SIGLEC10: variants seen among roughly 807,000 people sequenced by gnomAD.
SIGLEC10 encodes sialic acid binding Ig like lectin 10.
Under a neutral mutation model 68.3 loss-of-function variants are expected in SIGLEC10, and 45 were observed. That is an observed-to-expected ratio of 0.66 (90% CI 0.52 to 0.84). The LOEUF is 0.84. Ranked by LOEUF, SIGLEC10 falls within the 40% of genes least tolerant of loss-of-function variation. The pLI is 0.00. For synonymous variants in SIGLEC10, 379 were observed against 370.8 expected (o/e 1.02, Z -0.26); for missense variants, 789 against 883.1 (o/e 0.89, Z 1.35).
chr19:51,416,560 C>T, intron 3 of SIGLEC10, 106 bp downstream of exon 3: 1 of 1,578,238 alleles, frequency 6.3e-7, no homozygotes, highest in Non-Finnish European at 8.6e-7. Flanking sequence ...AGCTTCCTCT[C>T]CCTGGATGCT....
chr19:51,411,949 C>G (rs1988049214), intron 10 of SIGLEC10, among the ~76,000 whole-genome samples: 1 of 151,976 alleles, frequency 6.6e-6, no homozygotes, highest in African/African-American at 2.4e-5. Context: ...TTGAGACCAG[C>G]CTGATCAACA....
rs1406702083 is a variant in SIGLEC10, at chr19:51,415,104, G to A, written c.1335C>T (p.Ser445=). The change falls in exon 8 of 11, where the codon TCC becomes TCT. Residue 445 remains serine, a synonymous_variant. Coordinates refer to ENST00000339313, the MANE Select transcript of SIGLEC10 (RefSeq NM_033130.5). ...HVSLSLSVHY[S]PKLLGPSCSW... ...AGCAGGAGGGGCCCAGCAGCTTCGGGGAGTCTGAGGGGAGGGAGGACAGGA... is the reference window on the plus strand; with the variant it reads ...AGCAGGAGGGGCCCAGCAGCTTCGGAGAGTCTGAGGGGAGGGAGGACAGGA... 1.3e-6 allele frequency: 2 copies of A among 1,573,348 alleles called. No individual in the cohort carries two copies. Among genetic ancestry groups the A allele is most frequent in the Non-Finnish European group, 8.6e-7 (1 of 1,161,438 alleles).
At chr19:51,412,628 C>G (rs1043911917) in intron 10 of SIGLEC10, among the ~76,000 whole-genome samples, 1 of 151,988 alleles carries the variant, frequency 6.6e-6, no homozygotes, top group East Asian at 1.9e-4. Flanking sequence ...GCACCCATCA[C>G]CATGCCCAGG....
At chr19:51,412,290 G>A (rs922024787) in intron 10 of SIGLEC10, among the ~76,000 whole-genome samples, 4 of 152,088 alleles carry the variant, frequency 2.6e-5, no homozygotes, top group African/African-American at 7.2e-5. Flanking sequence ...TTGATGCATG[G>A]CTTGTAGTAG....
In SIGLEC10 at chr19:51,414,788, C is replaced by G. The variant is rs765286397; in HGVS notation, c.1615+36G>C. The G allele has an allele frequency of 6.2e-7, 1 of 1,608,692 alleles. No individual in the cohort carries two copies. The highest frequency in any genetic ancestry group is 8.5e-7 in the Non-Finnish European group (1 of 1,178,708). On this transcript the variant is annotated intron_variant, in intron 8 of 10. Coordinates refer to ENST00000339313, the MANE Select transcript of SIGLEC10 (RefSeq NM_033130.5). The surrounding 1 kb of genome is among the most constrained non-coding windows in gnomAD (Gnocchi z 4.1). ...CTACTCTTTGCCCCAGTCAGCTTCT[C>G]CTCCAAGAACCTTGGCATCCAGGCG...
Position 51,413,801 on chromosome 19 carries a change from G to A in SIGLEC10, c.1732C>T (p.Arg578Trp), listed in dbSNP as rs774112959. The A allele has an allele frequency of 6.8e-6, 11 of 1,613,926 alleles. No homozygotes were observed. The highest frequency in any genetic ancestry group is 3.3e-5 in the Admixed American group (2 of 59,988). ...GGCCTCGGGGTTTCTGTCTGAGTCC[G>A]TCTCTTCGGTAGAATCTTCATGCTG... The part of the protein sequence containing the change: ...LIIMKILPKR[R>W]TQTETPRPRF... The change falls in exon 10 of 11, where the codon CGG becomes TGG. Residue 578 changes from arginine to tryptophan, a missense_variant. Arg to Trp is a moderately radical substitution (Grantham distance 101). Coordinates refer to ENST00000339313, the MANE Select transcript of SIGLEC10 (RefSeq NM_033130.5).
In SIGLEC10 at chr19:51,415,027, G is replaced by C; in HGVS notation, c.1412C>G (p.Ala471Gly). 6.2e-7 allele frequency: 1 copy of C among 1,608,480 alleles called. No homozygotes were observed. Among genetic ancestry groups the C allele is most frequent in the Non-Finnish European group, 8.5e-7 (1 of 1,178,270 alleles). ...CCCAAGCCACCAGCGCAGAGAGGGG[G>C]CCGGGCTGGCCTGGGAGGAGCAGCT... Reference protein sequence around the residue: ...HCSCSSQASPAPSLRWWLGEE... With the variant: ...HCSCSSQASPGPSLRWWLGEE... Residue 471 changes from alanine (A) to glycine (G), a missense_variant, in exon 8 of 11, where the codon GCC becomes GGC. Ala to Gly is a moderately conservative substitution (Grantham distance 60). Coordinates refer to ENST00000339313, the MANE Select transcript of SIGLEC10 (RefSeq NM_033130.5).
rs1441588436 is a variant in SIGLEC10, at chr19:51,415,321, T to C, written c.1190A>G (p.Gln397Arg). 2 of 1,613,696 alleles carry C rather than the reference T, an allele frequency of 1.2e-6. No individual in the cohort carries two copies. The highest frequency in any genetic ancestry group is 1.7e-6 in the Non-Finnish European group (2 of 1,179,854). The change falls in exon 7 of 11, where the codon CAG becomes CGG. Residue 397 changes from glutamine to arginine, a missense_variant. Gln to Arg is a conservative substitution (Grantham distance 43). Transcript: ENST00000339313. ...TGAGGGCTGGGAGGGGCTCAGAACC[T>C]GTCCCCTCTGGGTCCAGCTCAGCCT... is the stretch of plus-strand genomic sequence containing the variant. ...PARLSWTQRGQVLSPSQPSDP... is the reference protein window; with the variant it reads ...PARLSWTQRGRVLSPSQPSDP...
chr19:51,415,140 TC>T (rs1475053151), intron 7 of SIGLEC10, 32 bp from the exon 8 acceptor site: 1 of 1,576,946 alleles, frequency 6.3e-7, no homozygotes, highest in African/African-American at 1.4e-5. Flanking sequence ...CTCAGCAGGG[TC>T]CCCTTCCTGG....
At position 51,416,352 on chromosome 19, in the gene SIGLEC10, G is replaced by A; in HGVS notation, c.712C>T (p.Pro238Ser). ...RTVRLRVAYA[P>S]RDLVISISRD... ...GAAATGCTGATAACAAGGTCTCTGGGGGCATCTGCAACAAGATTGTGAGCT... is the reference window on the plus strand; with the variant it reads ...GAAATGCTGATAACAAGGTCTCTGGAGGCATCTGCAACAAGATTGTGAGCT... Residue 238 changes from proline (P) to serine (S), a missense_variant, in exon 4 of 11, where the codon CCC (proline) becomes TCC (serine). Pro to Ser is a moderately conservative substitution (Grantham distance 74). Coordinates refer to ENST00000339313, the MANE Select transcript of SIGLEC10 (RefSeq NM_033130.5). 1 of 1,614,136 alleles carries A rather than the reference G, an allele frequency of 6.2e-7. No homozygotes were observed. The highest frequency in any genetic ancestry group is 1.1e-5 in the South Asian group (1 of 91,080).
chr19:51,415,119 G>A lies in SIGLEC10; in HGVS notation c.1331-11C>T. ...GCAGCTTCGGGGAGTCTGAGGGGAGGGAGGACAGGACTCAGCAGGGTCCCC... is the reference window on the plus strand; with the variant it reads ...GCAGCTTCGGGGAGTCTGAGGGGAGAGAGGACAGGACTCAGCAGGGTCCCC... On this transcript the variant is annotated splice_polypyrimidine_tract_variant and intron_variant, in intron 7 of 10. Coordinates refer to ENST00000339313, the MANE Select transcript of SIGLEC10 (RefSeq NM_033130.5). The A allele has an allele frequency of 6.4e-7, 1 of 1,571,254 alleles. No individual in the cohort carries two copies. The highest frequency in any genetic ancestry group is 1.2e-5 in the South Asian group (1 of 84,206).
At chr19:51,411,769 C>T (rs985429590) in intron 10 of SIGLEC10, among the ~76,000 whole-genome samples, 4 of 152,130 alleles carry the variant, frequency 2.6e-5, no homozygotes, top group African/African-American at 9.7e-5. Context: ...TCACTTGAAC[C>T]TGAGAGGTGG....
chr19:51,412,090 C>T (rs941007410), intron 10 of SIGLEC10, among the ~76,000 whole-genome samples: 3 of 150,078 alleles, frequency 2.0e-5, no homozygotes, highest in Non-Finnish European at 3.0e-5. Flanking sequence ...TGCAGTGAGC[C>T]GAGACCTTGC....
In SIGLEC10 at chr19:51,414,199, A is replaced by C. The variant is rs1988286196; in HGVS notation, c.1709+223T>G. ...GCTTCAGCTGTGCCTAATTACAAGA[A>C]ACACTTCGCTTGGGGCGTGACTGCC... On this transcript the variant is annotated intron_variant, in intron 9 of 10. Transcript: ENST00000339313. The surrounding 1 kb of genome is among the most constrained non-coding windows in gnomAD (Gnocchi z 4.1). The C allele has an allele frequency of 6.8e-6, 4 of 584,628 alleles. No individual in the cohort carries two copies. The highest frequency in any genetic ancestry group is 1.2e-5 in the Non-Finnish European group (4 of 327,942). The allele number at this position is 584,628 out of a possible 1,614,324, so 36.2% of individuals were successfully genotyped here. A position where few individuals can be genotyped will look rare whatever the true frequency, so the allele number is the denominator to read the frequency against.
In SIGLEC10 at chr19:51,414,749, C is replaced by A. The variant is rs886650865; in HGVS notation, c.1615+75G>T. 8 of 1,594,948 alleles carry A rather than the reference C, an allele frequency of 5.0e-6. No individual in the cohort carries two copies. The highest frequency in any genetic ancestry group is 6.8e-6 in the Non-Finnish European group (8 of 1,172,874). ...TGCTGTGTCCCTCCAAGCTCCTGCT[C>A]CAACCACAGGACCCTACTCTTTGCC... On this transcript the variant is annotated intron_variant, in intron 8 of 10. Transcript: ENST00000339313. The surrounding 1 kb of genome is among the most constrained non-coding windows in gnomAD (Gnocchi z 4.1).
rs200123588 is a variant in SIGLEC10 at position 51,415,398 on chromosome 19, C to A, written c.1113G>T (p.Leu371=). The change falls in exon 7 of 11, where the codon CTG becomes CTT. Residue 371 remains leucine (L), a synonymous_variant. Coordinates refer to ENST00000339313, the MANE Select transcript of SIGLEC10 (RefSeq NM_033130.5). ...NLGNGTSLPV[L]EGQSLCLVCV... is the part of the protein sequence containing the mutation. ...AGACCAGGCACAGGCTTTGGCCCTC[C>A]AGTACTGGGAGAGACGTGCCGTTCC... The A allele has an allele frequency of 6.2e-6, 10 of 1,609,000 alleles. No individual in the cohort carries two copies. Among genetic ancestry groups the A allele is most frequent in the African/African-American group, 1.3e-5 (1 of 74,736 alleles).
Position 51,417,509 on chromosome 19 carries a change from C to G in SIGLEC10, c.37+36G>C, listed in dbSNP as rs764612899. The G allele has an allele frequency of 5.0e-6, 8 of 1,614,038 alleles. No individual in the cohort carries two copies. The East Asian group carries it at 1.3e-4, about 27-fold the overall frequency. On this transcript the variant is annotated intron_variant, in intron 1 of 10. Transcript: ENST00000339313. Reference sequence around the variant, plus strand: ...TCAACCTGCAACCCCAGCCCTAGCTCCGCCCCAGGTCCTTTCCGGCCCTTG... The same window carrying G: ...TCAACCTGCAACCCCAGCCCTAGCTGCGCCCCAGGTCCTTTCCGGCCCTTG...
chr19:51,411,774 A>G (rs1229288255), intron 10 of SIGLEC10, among the ~76,000 whole-genome samples: 3 of 151,662 alleles, frequency 2.0e-5, no homozygotes, highest in African/African-American at 7.3e-5. Context: ...TGAACCTGAG[A>G]GGTGGAGGTT....
At chr19:51,412,734 C>T (rs1339247997) in intron 10 of SIGLEC10, among the ~76,000 whole-genome samples, 2 of 151,780 alleles carry the variant, frequency 1.3e-5, no homozygotes, top group Non-Finnish European at 2.9e-5. Context: ...CCTCGGCCTC[C>T]CAAAGTGCTG....
Sources: allele counts gnomAD v4.1 joint callset (sites outside exome capture counted in the v4.1 genomes callset), GRCh38; gene constraint gnomAD v4.1.1; non-coding constraint Gnocchi (gnomAD v3.1); transcripts MANE v1.5; gene names NCBI Gene and HGNC (gene_info 2026-07-23, HGNC 2026-07-21).